The following COQ8B variants were observed in gnomAD, a reference collection of about 807,000 sequenced individuals.
The protein encoded by COQ8B is atypical kinase COQ8B, mitochondrial.
In COQ8B, 44 loss-of-function variants were observed where a neutral mutation model predicts 62.0. That is an observed-to-expected ratio of 0.71 (90% confidence interval 0.56 to 0.91). The LOEUF (loss-of-function observed/expected upper bound fraction) is 0.91. Ranked by LOEUF, COQ8B falls within the 40% of genes least tolerant of loss-of-function variation. The pLI is 0.00. For synonymous variants in COQ8B, 252 were observed against 289.9 expected, an observed-to-expected ratio of 0.87 and a Z score of 1.33; for missense variants, 649 against 731.6, an observed-to-expected ratio of 0.89 and a Z score of 1.30.
chr19:40,695,652 G>C (rs1413157061), intron 13 of COQ8B, among the ~76,000 whole-genome samples: 1 of 152,098 alleles, frequency 6.6e-6, no homozygotes, highest in African/African-American at 2.4e-5. Context: ...TTGGGCTCTG[G>C]ACCTGGACCA....
chr19:40,715,538 C>A (rs2082179018), intron 1 of COQ8B: 1 of 985,478 alleles, frequency 1.0e-6, no homozygotes, highest in Admixed American at 6.1e-5. Flanking sequence ...TGCACAAACA[C>A]CCACATTCTG....
rs532418960 is a variant in COQ8B at position 40,705,309 on chromosome 19, G to A, written c.490+16C>T. The A allele has an allele frequency of 2.9e-5, 46 of 1,586,782 alleles. No homozygotes were observed. Among genetic ancestry groups the A allele is most frequent in the East Asian group, 1.1e-4 (5 of 44,370 alleles). On this transcript the variant is annotated intron_variant, in intron 6 of 14. Transcript: ENST00000324464. ...GAAGGGAGGTCAGGGGTCAGGAGTC[G>A]AGGGTCATGCTGTACCCTGGATGCT...
Position 40,714,414 on chromosome 19 carries a change from T to C in COQ8B, c.103-17A>G. 1 of 1,612,978 alleles carries C rather than the reference T, an allele frequency of 6.2e-7. No homozygotes were observed. The highest frequency in any genetic ancestry group is 1.1e-5 in the South Asian group (1 of 90,938). ...ACATGGTCCCTGCAAGAGATATACT[T>C]TGATAAGGAGGGGAGGACATGGGAT... On this transcript the variant is annotated splice_polypyrimidine_tract_variant and intron_variant, in intron 2 of 14. Coordinates refer to ENST00000324464, the MANE Select transcript of COQ8B (RefSeq NM_024876.4).
intron 9 of COQ8B, 105 bp downstream of exon 9, chr19:40,703,436 G>A (rs904347100): frequency 4.1e-5 from 50 of 1,208,124 alleles, no homozygotes; most frequent in African/African-American, 3.1e-4. Context: ...CGCTCACAAC[G>A]CCAGCACACC....
intron 4 of COQ8B, among the ~76,000 whole-genome samples, chr19:40,712,086 G>A (rs1017803596): frequency 5.3e-5 from 8 of 151,680 alleles, no homozygotes; most frequent in Non-Finnish European, 8.8e-5. Flanking sequence ...GCAATGGTGC[G>A]ATCTTGGTTC....
rs375761845 is a variant in COQ8B, at chr19:40,692,103, G to A, written c.1567C>T (p.Arg523Cys). ...CCGGCAGTGGCTGCGTCTGGCTGGC[G>A]ACTGGCCCAGTAGCGGTGGTAGGTG... The part of the protein sequence containing the change: ...QDTYHRYWAS[R>C]QPDAATAGSL... The change falls in exon 15 of 15, where the codon CGC (arginine) becomes TGC (cysteine). Residue 523 changes from arginine (R) to cysteine (C), a missense_variant. By Grantham distance (180) the Arg-to-Cys change is radical. Transcript: ENST00000324464. The A allele has an allele frequency of 3.7e-5, 59 of 1,608,294 alleles. No individual in the cohort carries two copies. Among genetic ancestry groups the A allele is most frequent in the African/African-American group, 5.3e-5 (4 of 74,824 alleles).
chr19:40,714,174 A>G, intron 3 of COQ8B, 41 bp from the exon 4 acceptor site: 1 of 1,613,490 alleles, frequency 6.2e-7, no homozygotes, highest in Non-Finnish European at 8.5e-7. Flanking sequence ...GAAAGTGGGC[A>G]TCGTGGCCAG....
chr19:40,714,217 C>T, intron 3 of COQ8B, 61 bp downstream of exon 3: 1 of 1,606,474 alleles, frequency 6.2e-7, no homozygotes, highest in Non-Finnish European at 8.5e-7. Context: ...ACACCCTTCC[C>T]CAAGCTCAGG....
intron 12 of COQ8B, among the ~76,000 whole-genome samples, chr19:40,697,876 A>AGT (rs1555756066): frequency 1.4e-5 from 1 of 71,206 alleles, no homozygotes; most frequent in Non-Finnish European, 3.3e-5. Context: ...AGAGAGAGAG[A>AGT]GTTTCTACTG....
rs1428971414 is a variant in COQ8B, at chr19:40,705,157, A to C, written c.515T>G (p.Leu172Arg). The C allele has an allele frequency of 6.2e-7, 1 of 1,613,412 alleles. No homozygotes were observed. The highest frequency in any genetic ancestry group is 1.1e-5 in the South Asian group (1 of 90,916). Residue 172 changes from leucine (L) to arginine (R), a missense_variant, in exon 7 of 15, where the codon CTG becomes CGG. Leu to Arg is a moderately radical substitution (Grantham distance 102). Coordinates refer to ENST00000324464, the MANE Select transcript of COQ8B (RefSeq NM_024876.4). Reference sequence around the variant, plus strand: ...GCGGACCCGCTCAAAGATGTGCTGCAGCTGAGGGCTGATGAAGCTGTTGTC... The same window carrying C: ...GCGGACCCGCTCAAAGATGTGCTGCCGCTGAGGGCTGATGAAGCTGTTGTC... The part of the protein sequence containing the change: ...IQDNSFISPQ[L>R]QHIFERVRQS...
chr19:40,706,127 T>A (rs1410604598), intron 5 of COQ8B, among the ~76,000 whole-genome samples: 1 of 151,924 alleles, frequency 6.6e-6, no homozygotes, highest in African/African-American at 2.4e-5. Flanking sequence ...GTTACACTGA[T>A]ATAAAGAGCA....
At chr19:40,694,071 G>A (rs1413433935) in intron 13 of COQ8B, among the ~76,000 whole-genome samples, 1 of 152,200 alleles carries the variant, frequency 6.6e-6, no homozygotes, top group Non-Finnish European at 1.5e-5. Context: ...GGGAGAAGAA[G>A]GGTCTCAGCT....
At chr19:40,704,117 C>A in intron 7 of COQ8B, 1 of 402,184 alleles carries the variant, frequency 2.5e-6, no homozygotes, top group Non-Finnish European at 4.4e-6. Context: ...GTGGGGATTG[C>A]TATTATTTAT....
In COQ8B at chr19:40,710,058, C is replaced by T. The variant is rs143411357; in HGVS notation, c.367+1G>A. 6.8e-6 allele frequency: 11 copies of T among 1,613,610 alleles called. No individual in the cohort carries two copies. The African/African-American group carries it at 1.2e-4, about 18-fold the overall frequency. ...GAACCCAGGCAGTGTGGCTCACTCACCTGACTGCAGACGACCTCCTGGCAT... is the reference window on the plus strand; with the variant it reads ...GAACCCAGGCAGTGTGGCTCACTCATCTGACTGCAGACGACCTCCTGGCAT... On this transcript the variant is annotated splice_donor_variant, in intron 5 of 14. Transcript: ENST00000324464. LOFTEE classifies it high-confidence loss of function.
rs972767479 is a variant in COQ8B, at chr19:40,691,959, G to A, written c.*76C>T. Reference sequence around the variant, plus strand: ...GCCCAAGGGGGCTCCTCTGACCCAGGGCAGACGGGGAAGGGATAAGAGGCA... The same window carrying A: ...GCCCAAGGGGGCTCCTCTGACCCAGAGCAGACGGGGAAGGGATAAGAGGCA... On this transcript the variant is annotated 3_prime_UTR_variant, in exon 15 of 15. Transcript: ENST00000324464. The A allele has an allele frequency of 2.9e-6, 4 of 1,383,812 alleles. 1 individual carries two copies. In the African/African-American group the frequency reaches 4.4e-5, roughly 15 times the overall value. 85.7% of individuals were successfully genotyped at this position (1,383,812 alleles called of 1,614,324 possible). A position where few individuals can be genotyped will look rare whatever the true frequency, so the allele number is the denominator to read the frequency against.
At chr19:40,700,245 G>C (rs868835135) in intron 11 of COQ8B, 65 bp downstream of exon 11, 300 of 1,611,706 alleles carry the variant, frequency 1.9e-4, no homozygotes, top group Middle Eastern at 5.0e-4. Context: ...CCTGGAGAGA[G>C]ACCATGAGCC....
At chr19:40,697,847 T>TAG (rs1349238558) in intron 12 of COQ8B, among the ~76,000 whole-genome samples, 2,192 of 56,666 alleles carry the variant, frequency 0.039, 38 homozygotes, top group Middle Eastern at 0.067. Context: ...TATATATATA[T>TAG]ATATAGAGAG....
intron 13 of COQ8B, 132 bp downstream of exon 13, chr19:40,695,857 G>T: frequency 1.1e-6 from 1 of 934,496 alleles, no homozygotes; most frequent in Non-Finnish European, 1.7e-6. Context: ...GTGTGTGCTA[G>T]TTGCTACGAG....
At chr19:40,711,375 G>A (rs1032607637) in intron 4 of COQ8B, among the ~76,000 whole-genome samples, 1 of 151,886 alleles carries the variant, frequency 6.6e-6, no homozygotes, top group Non-Finnish European at 1.5e-5. Context: ...GAGACCACAC[G>A]TGCATACCAC....
Sources: gnomAD v4.1 joint callset for allele counts (sites outside exome capture counted in the v4.1 genomes callset) on GRCh38, gnomAD v4.1.1 for gene constraint, MANE v1.5 for transcripts, NCBI Gene and HGNC (gene_info 2026-07-23, HGNC 2026-07-21) for gene names.